Variants in EDA observed in about 807,000 individuals in gnomAD.
EDA encodes ectodysplasin A, also known as ectodysplasin-A.
A neutral mutation model predicts 23.6 loss-of-function variants in EDA; 2 were observed. That is an observed-to-expected ratio of 0.08 (90% CI 0.03 to 0.27). The LOEUF is 0.27. Ranked by LOEUF, EDA falls within the 10% of genes least tolerant of loss-of-function variation. The pLI is 1.00. For missense variants in EDA, 229 were observed against 324.2 expected, an observed-to-expected ratio of 0.71 and a Z score of 2.26; for synonymous variants, 131 against 132.0, an observed-to-expected ratio of 0.99 and a Z score of 0.05.
intron 1 of EDA, among the ~76,000 whole-genome samples, chrX:69,678,455 C>T (rs1199984249): frequency 6.3e-5 from 7 of 111,888 alleles, no homozygotes; most frequent in Non-Finnish European, 1.1e-4. Flanking sequence ...TACCCATAAG[C>T]ATGTAATGTT....
chrX:69,677,735 G>C (rs1178418200), intron 1 of EDA, among the ~76,000 whole-genome samples: 5 of 111,886 alleles, frequency 4.5e-5, no homozygotes, highest in Non-Finnish European at 9.4e-5. Context: ...CCCTTTGTCA[G>C]ATGAGTAGGT....
chrX:69,784,547 G>T (rs1462087857), intron 1 of EDA, among the ~76,000 whole-genome samples: 1 of 98,620 alleles, frequency 1.0e-5, no homozygotes, highest in Non-Finnish European at 2.1e-5. Flanking sequence ...ATTAAATAGG[G>T]AATCCTTTCC....
chrX:69,670,772 A>G (rs182534545), intron 1 of EDA, among the ~76,000 whole-genome samples: 5 of 110,639 alleles, frequency 4.5e-5, no homozygotes, highest in African/African-American at 1.6e-4. Flanking sequence ...CTTTTTAATG[A>G]TATCTATCTC....
chrX:69,897,397 G>A (rs377633350), intron 1 of EDA, among the ~76,000 whole-genome samples: 3 of 111,878 alleles, frequency 2.7e-5, no homozygotes, highest in Non-Finnish European at 1.9e-5. Context: ...TCGCCTTTTA[G>A]AGTGAAATAT....
chrX:69,686,227 G>A (rs768151652), intron 1 of EDA, among the ~76,000 whole-genome samples: 11 of 112,058 alleles, frequency 9.8e-5, no homozygotes, highest in Non-Finnish European at 2.1e-4. Flanking sequence ...CAAATCCTGA[G>A]CTCAGGTAAT....
chrX:69,655,787 T>TATATATATA (rs6151315), intron 1 of EDA, among the ~76,000 whole-genome samples: 10 of 88,314 alleles, frequency 1.1e-4, no homozygotes, highest in Non-Finnish European at 1.7e-4. Flanking sequence ...TATATATATA[T>TATATATATA]TGCACTTTGT....
At chrX:69,619,181 G>A (rs1004345214) in intron 1 of EDA, among the ~76,000 whole-genome samples, 2 of 111,867 alleles carry the variant, frequency 1.8e-5, no homozygotes, top group African/African-American at 6.5e-5. Flanking sequence ...AGCAAATCTT[G>A]GATGGAGAGG....
At chrX:69,718,561 TTTC>T (rs2012442022) in intron 1 of EDA, among the ~76,000 whole-genome samples, 1 of 111,390 alleles carries the variant, frequency 9.0e-6, no homozygotes, top group African/African-American at 3.3e-5. Flanking sequence ...TCATATGATT[TTTC>T]TTCTTCATCT....
intron 1 of EDA, among the ~76,000 whole-genome samples, chrX:69,731,995 A>G (rs1056951882): frequency 1.8e-5 from 2 of 111,288 alleles, no homozygotes; most frequent in African/African-American, 6.5e-5. Context: ...TTTGCCTAAT[A>G]TATTTTTTGT....
intron 1 of EDA, among the ~76,000 whole-genome samples, chrX:69,647,334 G>A (rs1015652610): frequency 2.7e-5 from 3 of 111,223 alleles, no homozygotes; most frequent in South Asian, 3.8e-4. Context: ...TTCCCCAGTC[G>A]TAGGTTCAGT....
At chrX:69,757,019 G>A (rs902500041) in intron 1 of EDA, 2 of 111,378 alleles carry the variant, frequency 1.8e-5, no homozygotes, top group Admixed American at 1.9e-4. Flanking sequence ...TTATCCATGG[G>A]TTGGGAATGT....
chrX:69,697,954 G>A (rs950446173), intron 1 of EDA, among the ~76,000 whole-genome samples: 15 of 112,071 alleles, frequency 1.3e-4, no homozygotes, highest in Non-Finnish European at 1.7e-4. Context: ...ATAAATTGCC[G>A]CATGCATTTG....
chrX:69,834,487 T>C (rs1331763010), intron 1 of EDA, among the ~76,000 whole-genome samples: 1 of 110,246 alleles, frequency 9.1e-6, no homozygotes, highest in African/African-American at 3.3e-5. Context: ...TTGATCTTTG[T>C]TGGTTTAAAG....
At position 70,035,643 on chromosome X, in the gene EDA, C is replaced by A. The variant is rs73634805; in HGVS notation, c.*34C>A. The A allele has an allele frequency of 2.5e-6, 3 of 1,204,635 alleles. No homozygotes were observed. In the Admixed American group the frequency reaches 6.6e-5, roughly 27 times the overall value. ...CATTTTGCCTCTGTCCGTGCCCCTTCCCTGGGTTTGGGAGCCAGGACTCCC... is the reference window on the plus strand; with the variant it reads ...CATTTTGCCTCTGTCCGTGCCCCTTACCTGGGTTTGGGAGCCAGGACTCCC... On this transcript the variant is annotated 3_prime_UTR_variant, in exon 8 of 8. Coordinates refer to ENST00000374552, the MANE Select transcript of EDA (RefSeq NM_001399.5).
intron 1 of EDA, among the ~76,000 whole-genome samples, chrX:69,696,209 A>G (rs2011338256): frequency 9.3e-6 from 1 of 107,071 alleles, no homozygotes; most frequent in South Asian, 4.3e-4. Context: ...ATTGCACTCC[A>G]GCCTGGGCAA....
At chrX:69,753,978 A>G (rs1471574859) in intron 1 of EDA, among the ~76,000 whole-genome samples, 1 of 109,819 alleles carries the variant, frequency 9.1e-6, no homozygotes, top group Non-Finnish European at 1.9e-5. Context: ...TGCACGTGAG[A>G]TGGATCTCCT....
intron 2 of EDA, among the ~76,000 whole-genome samples, chrX:70,003,283 A>C (rs932515634): frequency 1.8e-5 from 2 of 111,701 alleles, no homozygotes; most frequent in Admixed American, 1.9e-4. Flanking sequence ...GAATATAGCC[A>C]TTTGAGTCCC....
chrX:69,747,743 G>A (rs914335740), intron 1 of EDA, among the ~76,000 whole-genome samples: 1 of 111,870 alleles, frequency 8.9e-6, no homozygotes, highest in African/African-American at 3.2e-5. Flanking sequence ...GGTTAGATGG[G>A]GGGATAGAGA....
At chrX:69,906,075 C>G (rs2018173378) in intron 1 of EDA, among the ~76,000 whole-genome samples, 1 of 111,479 alleles carries the variant, frequency 9.0e-6, no homozygotes, top group Non-Finnish European at 1.9e-5. Context: ...TAGACTATAC[C>G]CCAGCAACTT....
Sources: gnomAD v4.1 joint callset for allele counts (sites outside exome capture counted in the v4.1 genomes callset) on GRCh38, gnomAD v4.1.1 for gene constraint, MANE v1.5 for transcripts, NCBI Gene and HGNC (gene_info 2026-07-23, HGNC 2026-07-21) for gene names.